Variants in BMPR1B observed in about 807,000 individuals in gnomAD.
The protein encoded by BMPR1B is bone morphogenetic protein receptor type-1B.
In BMPR1B, 12 loss-of-function variants were observed where a neutral mutation model predicts 59.1. The observed-to-expected ratio is 0.20, with a 90% CI of 0.13 to 0.33. The LOEUF (loss-of-function observed/expected upper bound fraction) is 0.33. BMPR1B is among the 10% of genes least tolerant of loss of function. The pLI, the probability that BMPR1B is intolerant of heterozygous loss-of-function variation, is 1.00. For missense variants in BMPR1B, 550 were observed against 610.9 expected (o/e 0.90, Z 1.05); for synonymous variants, 237 against 207.3 (o/e 1.14, Z -1.23).
intron 2 of BMPR1B, among the ~76,000 whole-genome samples, chr4:94,885,054 C>T (rs1727118694): frequency 1.3e-5 from 2 of 152,128 alleles, no homozygotes; most frequent in African/African-American, 4.8e-5. Flanking sequence ...CCCTCTCAGA[C>T]CAGCCGTCAG....
chr4:94,981,210 C>CT (rs33948405), intron 2 of BMPR1B, among the ~76,000 whole-genome samples: 12 of 148,600 alleles, frequency 8.1e-5, no homozygotes, highest in African/African-American at 2.7e-4. Flanking sequence ...TTTATCCTTT[C>CT]TTTTTTTTTT....
At chr4:94,865,388 G>GTTTT (rs59399150) in intron 1 of BMPR1B, among the ~76,000 whole-genome samples, 21 of 142,936 alleles carry the variant, frequency 1.5e-4, no homozygotes, top group African/African-American at 3.8e-4. Flanking sequence ...TTCATGCTGG[G>GTTTT]TTTTTTTTTT....
intron 4 of BMPR1B, among the ~76,000 whole-genome samples, chr4:95,112,158 C>T (rs1049040053): frequency 6.6e-6 from 1 of 152,048 alleles, no homozygotes; most frequent in Non-Finnish European, 1.5e-5. Flanking sequence ...CTGATTCATC[C>T]TATGTTCATG....
At position 95,007,040 on chromosome 4, in the gene BMPR1B, C is replaced by T. The variant is rs192918139; in HGVS notation, c.-18+10906C>T. Among the ~76,000 whole-genome samples the T allele has an allele frequency of 2.1e-3, 320 of 152,218 alleles. 1 individual carries two copies. Among genetic ancestry groups the T allele is most frequent in the African/African-American group, 6.9e-3 (286 of 41,554 alleles). On this transcript the variant is annotated intron_variant, in intron 3 of 12. Coordinates refer to ENST00000515059, the MANE Select transcript of BMPR1B (RefSeq NM_001203.3). Reference sequence around the variant, plus strand: ...GAAGACAAGAGTCTGTTGATATTTACGAACATTAATACATTAATTAATTTT... The same window carrying T: ...GAAGACAAGAGTCTGTTGATATTTATGAACATTAATACATTAATTAATTTT...
intron 1 of BMPR1B, among the ~76,000 whole-genome samples, chr4:94,771,828 G>A (rs1722198405): frequency 6.6e-6 from 1 of 152,168 alleles, no homozygotes. Flanking sequence ...ACGGTAGAGG[G>A]ATGCAAGATG....
chr4:95,120,154 A>G (rs1732369319), intron 6 of BMPR1B, among the ~76,000 whole-genome samples: 1 of 152,168 alleles, frequency 6.6e-6, no homozygotes, highest in Non-Finnish European at 1.5e-5. Context: ...TTCACTTAGG[A>G]CTATGGCCTC....
intron 10 of BMPR1B, among the ~76,000 whole-genome samples, chr4:95,132,254 T>G (rs573265429): frequency 6.6e-5 from 10 of 152,204 alleles, no homozygotes; most frequent in Non-Finnish European, 1.3e-4. Flanking sequence ...AACTACCTTT[T>G]AAAGAACTCA....
At chr4:94,887,581 A>G (rs187619316) in intron 2 of BMPR1B, among the ~76,000 whole-genome samples, 17 of 152,016 alleles carry the variant, frequency 1.1e-4, no homozygotes, top group African/African-American at 3.1e-4. Flanking sequence ...TTGGTAAATA[A>G]ATACAAGAAA....
chr4:95,066,844 T>A (rs1365483041), intron 3 of BMPR1B, among the ~76,000 whole-genome samples: 1 of 152,158 alleles, frequency 6.6e-6, no homozygotes, highest in Non-Finnish European at 1.5e-5. Flanking sequence ...TGAGAACCAC[T>A]GGACTAAATT....
In BMPR1B at chr4:95,156,690, A is replaced by C. The variant is rs1417032054; in HGVS notation, c.*2017A>C. The C allele has an allele frequency of 6.6e-6, 1 of 152,156 alleles. No homozygotes were observed. The highest frequency in any genetic ancestry group is 2.4e-5 in the African/African-American group (1 of 41,432). The allele number at this position is 152,156 out of a possible 1,614,324, so 9.4% of individuals were successfully genotyped here. A position where few individuals can be genotyped will look rare whatever the true frequency, so the allele number is the denominator to read the frequency against. On this transcript the variant is annotated 3_prime_UTR_variant, in exon 13 of 13. Coordinates refer to ENST00000515059, the MANE Select transcript of BMPR1B (RefSeq NM_001203.3). ...AATTGTGTTTTTAAAGAGTGAAAAC[A>C]GTTAGAAAACAAGTAGAACTGTAAT...
chr4:95,104,578 TAA>T lies in BMPR1B; in HGVS notation c.143+13_143+14del, dbSNP rs1271679759. 4 of 1,613,042 alleles carry T rather than the reference TAA, an allele frequency of 2.5e-6. No homozygotes were observed. Among genetic ancestry groups the T allele is most frequent in the Non-Finnish European group, 3.4e-6 (4 of 1,179,366 alleles). On this transcript the variant is annotated intron_variant, in intron 4 of 12. Coordinates refer to ENST00000515059, the MANE Select transcript of BMPR1B (RefSeq NM_001203.3). ...CAACAATATTTGCAGGTTGGTGATATAAATGATTTAAAGCTAGCTTTAACAAA... is the reference window on the plus strand; with the variant it reads ...CAACAATATTTGCAGGTTGGTGATATATGATTTAAAGCTAGCTTTAACAAA...
At chr4:94,980,071 C>T (rs1159270506) in intron 2 of BMPR1B, among the ~76,000 whole-genome samples, 1 of 152,142 alleles carries the variant, frequency 6.6e-6, no homozygotes, top group Non-Finnish European at 1.5e-5. Context: ...CCCTGTAGCT[C>T]TCTTAAAAGG....
In BMPR1B at chr4:94,922,321, G is replaced by A. The variant is rs936355326; in HGVS notation, c.-113+46421G>A. Among the ~76,000 whole-genome samples, 9 of 151,744 alleles carry A rather than the reference G, an allele frequency of 5.9e-5. No homozygotes were observed. The East Asian group carries it at 1.6e-3, about 26-fold the overall frequency. ...GTGTAACATGTGGATACCTCTTGTG[G>A]GACGTGTGCGTGTGTGTATGAGAGA... is the stretch of plus-strand genomic sequence containing the variant. On this transcript the variant is annotated intron_variant, in intron 2 of 12. Transcript: ENST00000515059.
chr4:95,053,527 A>G (rs996975428), intron 3 of BMPR1B, among the ~76,000 whole-genome samples: 1 of 152,258 alleles, frequency 6.6e-6, no homozygotes, highest in Admixed American at 6.5e-5. Context: ...TGACTATTAA[A>G]TGAGTAAGTA....
chr4:94,813,225 G>A (rs1375720768), intron 1 of BMPR1B, among the ~76,000 whole-genome samples: 1 of 152,104 alleles, frequency 6.6e-6, no homozygotes, highest in Non-Finnish European at 1.5e-5. Context: ...ATAGCGGCAG[G>A]TGGTGATAAA....
intron 3 of BMPR1B, among the ~76,000 whole-genome samples, chr4:95,046,184 T>C (rs1726049327): frequency 6.6e-6 from 1 of 152,160 alleles, no homozygotes; most frequent in Non-Finnish European, 1.5e-5. Context: ...ACTGGGACTA[T>C]AGCCAAGTAC....
intron 1 of BMPR1B, among the ~76,000 whole-genome samples, chr4:94,859,270 TA>T (rs201928882): frequency 6.6e-6 from 1 of 152,118 alleles, no homozygotes; most frequent in African/African-American, 2.4e-5. Context: ...AATAATTTTT[TA>T]AAAAAAGAAT....
In BMPR1B at chr4:95,158,421, A is replaced by G. The variant is rs1735563987; in HGVS notation, c.*3748A>G. The G allele has an allele frequency of 1.3e-5, 2 of 152,174 alleles. No individual in the cohort carries two copies. Among genetic ancestry groups the G allele is most frequent in the Admixed American group, 6.5e-5 (1 of 15,278 alleles). The allele number at this position is 152,174 out of a possible 1,614,324, so 9.4% of individuals were successfully genotyped here. On this transcript the variant is annotated 3_prime_UTR_variant, in exon 13 of 13. Transcript: ENST00000515059. ...TTGTTTTAACATTCCCCTAAATAAA[A>G]TGGCTTCATTCTCCCCTTGGAAAAA...
In BMPR1B at chr4:94,804,590, CT is replaced by C. The variant is rs5860375; in HGVS notation, c.-183+46541del. 1.6e-3 allele frequency among the ~76,000 whole-genome samples: 199 copies of C among 121,526 alleles called. No individual in the cohort carries two copies. In the South Asian group the frequency reaches 0.019, roughly 12 times the overall value. The allele number at this position is 121,526 out of a possible 152,430, so 79.7% of individuals were successfully genotyped here. On this transcript the variant is annotated intron_variant, in intron 1 of 12. Transcript: ENST00000515059. ...TTTTCATATAACTTTCTTTGTAATA[CT>C]TTTTTTTTTTTTTTTTTTGCCAAGG...
Sources: allele counts gnomAD v4.1 joint callset (sites outside exome capture counted in the v4.1 genomes callset), GRCh38; gene constraint gnomAD v4.1.1; transcripts MANE v1.5; gene names NCBI Gene and HGNC (gene_info 2026-07-23, HGNC 2026-07-21).